SV2C: variants seen among roughly 807,000 people sequenced by gnomAD.
SV2C encodes the protein synaptic vesicle glycoprotein 2C.
A neutral mutation model predicts 79.7 loss-of-function variants in SV2C; 49 were observed. That is an observed-to-expected ratio of 0.61 (90% CI 0.49 to 0.78). The LOEUF is 0.78. Among genes scored for constraint, SV2C ranks in the 30% least tolerant of loss-of-function variants. SV2C has a pLI of 0.00. For missense variants in SV2C, 833 were observed against 912.9 expected (o/e 0.91, Z 1.13); for synonymous variants, 334 against 333.2 (o/e 1.00, Z -0.03).
At chr5:75,884,071 T>C in the SV2C span, among the ~76,000 whole-genome samples, 45 of 152,272 alleles carry the variant, frequency 3.0e-4, no homozygotes, top group South Asian at 3.9e-3. Flanking sequence ...TGATTTTGGA[T>C]GCTATTGAAC....
intron 12 of SV2C, among the ~76,000 whole-genome samples, chr5:76,319,419 A>C (rs578183811): frequency 6.6e-6 from 1 of 152,172 alleles, no homozygotes; most frequent in Non-Finnish European, 1.5e-5. Context: ...CTCCATCTCA[A>C]AAAAAAAGAA....
chr5:76,003,605 A>G, the SV2C span, among the ~76,000 whole-genome samples: 14 of 152,134 alleles, frequency 9.2e-5, no homozygotes, highest in African/African-American at 3.1e-4. Flanking sequence ...TTTAAGCAGC[A>G]TCACCCAAAA....
At chr5:76,036,575 C>T in the SV2C span, among the ~76,000 whole-genome samples, 6 of 152,150 alleles carry the variant, frequency 3.9e-5, no homozygotes, top group Non-Finnish European at 5.9e-5. Context: ...TATTGGCCCC[C>T]ACTCTCTTCT....
chr5:75,926,494 T>G, the SV2C span, among the ~76,000 whole-genome samples: 6 of 152,218 alleles, frequency 3.9e-5, no homozygotes, highest in Admixed American at 6.5e-5. Context: ...TTTTCCATTT[T>G]TGTTTTTCCT....
chr5:76,259,609 C>A (rs7725242), intron 4 of SV2C, among the ~76,000 whole-genome samples: 73,045 of 151,292 alleles, frequency 0.48, 17,984 homozygotes, highest in South Asian at 0.54. Flanking sequence ...CACTCCCCAC[C>A]CCCAACAAAC....
At chr5:76,011,447 T>A in the SV2C span, among the ~76,000 whole-genome samples, 3 of 152,116 alleles carry the variant, frequency 2.0e-5, no homozygotes, top group Admixed American at 6.6e-5. Flanking sequence ...TCAGAACTAT[T>A]TATCTCTGAA....
chr5:75,944,897 A>C, the SV2C span, among the ~76,000 whole-genome samples: 1 of 152,162 alleles, frequency 6.6e-6, no homozygotes, highest in Non-Finnish European at 1.5e-5. Flanking sequence ...ACCCCCAAAA[A>C]AGATGGACTG....
intron 4 of SV2C, among the ~76,000 whole-genome samples, chr5:76,282,545 A>G (rs1747229972): frequency 6.6e-6 from 1 of 152,248 alleles, no homozygotes; most frequent in Admixed American, 6.5e-5. Flanking sequence ...TTGTTTTTCA[A>G]TAACTAATGT....
chr5:76,173,143 G>A (rs1743378782), intron 2 of SV2C, among the ~76,000 whole-genome samples: 1 of 147,704 alleles, frequency 6.8e-6, no homozygotes, highest in African/African-American at 2.5e-5. Context: ...TAATGACCTT[G>A]AATTTCTTAA....
At chr5:76,319,248 CAAA>C (rs11341644) in intron 12 of SV2C, among the ~76,000 whole-genome samples, 2 of 141,888 alleles carry the variant, frequency 1.4e-5, no homozygotes, top group Admixed American at 7.0e-5. Flanking sequence ...TGCATCTCTA[CAAA>C]AAAAAAAAAC....
chr5:76,250,740 G>A (rs769534938), intron 4 of SV2C, among the ~76,000 whole-genome samples: 1 of 152,216 alleles, frequency 6.6e-6, no homozygotes, highest in African/African-American at 2.4e-5. Context: ...TGCTGGCTCA[G>A]TACTAAGCAG....
At chr5:76,173,949 C>G (rs1223574333) in intron 2 of SV2C, 6 of 1,570,580 alleles carry the variant, frequency 3.8e-6, no homozygotes, top group South Asian at 1.1e-5. Context: ...TAAACTAATG[C>G]AAACCCTTGT....
intron 3 of SV2C, among the ~76,000 whole-genome samples, chr5:76,206,908 G>C (rs184573980): frequency 1.1e-3 from 167 of 152,228 alleles, no homozygotes; most frequent in Non-Finnish European, 1.9e-3. Context: ...CTTTGCAAAG[G>C]ATTTAAATAG....
In SV2C at chr5:76,325,569, C is replaced by T. The variant is rs1012781140; in HGVS notation, c.*22C>T. The T allele has an allele frequency of 1.2e-6, 2 of 1,611,920 alleles. No individual in the cohort carries two copies. The highest frequency in any genetic ancestry group is 3.3e-5 in the Admixed American group (2 of 59,900). On this transcript the variant is annotated 3_prime_UTR_variant, in exon 13 of 13. Transcript: ENST00000502798. ...GTAATGGGAAAAAAAGCCATCCTTC[C>T]TGCGTTTCTTCCTCCTGCCCTGGGT...
At chr5:76,067,221 T>A in the SV2C span, among the ~76,000 whole-genome samples, 1 of 152,128 alleles carries the variant, frequency 6.6e-6, no homozygotes, top group African/African-American at 2.4e-5. Flanking sequence ...TGCAATTTAT[T>A]TTCTTTGTCC....
chr5:76,253,784 T>A (rs1270788129), intron 4 of SV2C, among the ~76,000 whole-genome samples: 1 of 152,116 alleles, frequency 6.6e-6, no homozygotes. Flanking sequence ...TTCTTAGTTA[T>A]TTAATATCAC....
At chr5:76,182,393 T>C (rs1743762315) in intron 2 of SV2C, among the ~76,000 whole-genome samples, 1 of 152,206 alleles carries the variant, frequency 6.6e-6, no homozygotes, top group Non-Finnish European at 1.5e-5. Flanking sequence ...AACTATGGTC[T>C]CTGATAACTG....
the SV2C span, among the ~76,000 whole-genome samples, chr5:76,002,278 G>A: frequency 6.6e-6 from 1 of 152,064 alleles, no homozygotes; most frequent in African/African-American, 2.4e-5. Context: ...ATAAACATGT[G>A]TGTGCATGTG....
the SV2C span, among the ~76,000 whole-genome samples, chr5:75,912,257 A>C: frequency 6.6e-6 from 1 of 152,222 alleles, no homozygotes; most frequent in Admixed American, 6.5e-5. Flanking sequence ...TCTTTGACTT[A>C]TGACCCATTT....
Sources: allele counts gnomAD v4.1 joint callset (sites outside exome capture counted in the v4.1 genomes callset), GRCh38; gene constraint gnomAD v4.1.1; transcripts MANE v1.5; gene names NCBI Gene and HGNC (gene_info 2026-07-23, HGNC 2026-07-21).